N4BP1: variants seen among roughly 807,000 people sequenced by gnomAD.
N4BP1 encodes the protein NEDD4-binding protein 1.
Under a neutral mutation model 70.9 loss-of-function variants are expected in N4BP1, and 21 were observed. That is an observed-to-expected ratio of 0.30 (90% confidence interval 0.21 to 0.43). The LOEUF is 0.43. Ranked by LOEUF, N4BP1 falls within the 20% of genes least tolerant of loss-of-function variation. The probability of loss-of-function intolerance (pLI) is 1.00; values close to 1 mark genes in which losing one functional copy is unlikely to be tolerated. For synonymous variants in N4BP1, 387 were observed against 394.6 expected, an observed-to-expected ratio of 0.98 and a Z score of 0.23; for missense variants, 936 against 1,069.4, an observed-to-expected ratio of 0.88 and a Z score of 1.74.
intron 1 of N4BP1, among the ~76,000 whole-genome samples, chr16:48,588,861 T>C (rs1401208077): frequency 6.6e-6 from 1 of 152,146 alleles, no homozygotes; most frequent in East Asian, 1.9e-4. Flanking sequence ...AAAATAGTTT[T>C]TACATTTTTA....
rs1461196581 is a variant in N4BP1 at position 48,561,228 on chromosome 16, T to A, written c.1415A>T (p.His472Leu). 1.2e-6 allele frequency: 2 copies of A among 1,613,872 alleles called. No individual in the cohort carries two copies. Among genetic ancestry groups the A allele is most frequent in the African/African-American group, 1.3e-5 (1 of 74,930 alleles). The part of the protein sequence containing the change: ...TFRTVPIEQK[H>L]EVWGSNQNYI... ...GTTCTGGTTTGAACCCCAGACTTCATGTTTCTGTTCTATTGGCACTGTTCT... is the reference window on the plus strand; with the variant it reads ...GTTCTGGTTTGAACCCCAGACTTCAAGTTTCTGTTCTATTGGCACTGTTCT... The change falls in exon 2 of 7, where the codon CAT becomes CTT. Residue 472 changes from histidine to leucine, a missense_variant. Coordinates refer to ENST00000262384, the MANE Select transcript of N4BP1 (RefSeq NM_153029.4).
chr16:48,594,821 T>C (rs1230186799), intron 1 of N4BP1, among the ~76,000 whole-genome samples: 3 of 152,254 alleles, frequency 2.0e-5, no homozygotes, highest in Admixed American at 6.5e-5. Context: ...ATAATTGTTA[T>C]GTTAAATTAT....
intron 1 of N4BP1, among the ~76,000 whole-genome samples, chr16:48,580,914 G>C (rs1597105048): frequency 6.6e-6 from 1 of 152,038 alleles, no homozygotes; most frequent in African/African-American, 2.4e-5. Context: ...AAGTATACAG[G>C]AAAATATACA....
intron 1 of N4BP1, among the ~76,000 whole-genome samples, chr16:48,582,117 A>T (rs1425941365): frequency 6.6e-6 from 1 of 152,236 alleles, no homozygotes; most frequent in Non-Finnish European, 1.5e-5. Context: ...CAATCCAATT[A>T]AAAAATGAGC....
intron 1 of N4BP1, among the ~76,000 whole-genome samples, chr16:48,565,988 T>C (rs1414948373): frequency 6.6e-6 from 1 of 152,192 alleles, no homozygotes; most frequent in Non-Finnish European, 1.5e-5. Flanking sequence ...TATTAGTAGT[T>C]TGCAGCTTCT....
At chr16:48,572,383 A>G (rs1270703829) in intron 1 of N4BP1, among the ~76,000 whole-genome samples, 1 of 152,230 alleles carries the variant, frequency 6.6e-6, no homozygotes, top group Non-Finnish European at 1.5e-5. Flanking sequence ...AAAGAATGAC[A>G]GTAAGAATGT....
intron 1 of N4BP1, among the ~76,000 whole-genome samples, chr16:48,590,125 T>C (rs547855815): frequency 2.0e-5 from 3 of 152,104 alleles, no homozygotes; most frequent in Admixed American, 6.5e-5. Context: ...AAATTAGTGG[T>C]TGAAATATTT....
intron 6 of N4BP1, among the ~76,000 whole-genome samples, chr16:48,544,863 C>T (rs1334704323): frequency 1.3e-5 from 2 of 152,098 alleles, no homozygotes; most frequent in South Asian, 4.1e-4. Context: ...ACAAAATGAC[C>T]CCATCAGGCA....
intron 1 of N4BP1, chr16:48,600,273 A>C (rs921723520): frequency 4.5e-6 from 5 of 1,118,110 alleles, no homozygotes; most frequent in Non-Finnish European, 6.7e-6. Context: ...TAAATGTCAT[A>C]AAAACTTTAA....
intron 1 of N4BP1, among the ~76,000 whole-genome samples, chr16:48,567,020 T>A (rs1963952331): frequency 6.6e-6 from 1 of 152,220 alleles, no homozygotes; most frequent in South Asian, 2.1e-4. Flanking sequence ...ATATTGACAA[T>A]CCAGCTTTCT....
chr16:48,574,135 A>G (rs1157566980), intron 1 of N4BP1, among the ~76,000 whole-genome samples: 2 of 152,252 alleles, frequency 1.3e-5, no homozygotes, highest in East Asian at 3.8e-4. Context: ...GAAGTTAGGG[A>G]GGCTTAGAAG....
At chr16:48,571,975 G>C (rs1964026376) in intron 1 of N4BP1, among the ~76,000 whole-genome samples, 1 of 152,138 alleles carries the variant, frequency 6.6e-6, no homozygotes, top group Non-Finnish European at 1.5e-5. Flanking sequence ...GAGGTAGGTG[G>C]ATCACTTGAG....
intron 1 of N4BP1, among the ~76,000 whole-genome samples, chr16:48,601,884 GTTTC>G (rs1401360773): frequency 1.3e-5 from 2 of 152,082 alleles, no homozygotes. Context: ...GCTAAATTCA[GTTTC>G]TTTAAGCCAA....
rs747015832 is a variant in N4BP1 at position 48,562,408 on chromosome 16, C to T, written c.235G>A (p.Glu79Lys). The T allele has an allele frequency of 5.6e-6, 9 of 1,611,940 alleles. No individual in the cohort carries two copies. The Admixed American group carries it at 1.5e-4, about 27-fold the overall frequency. Reference protein sequence around the residue: ...IKGICEPELEERECYPKDMHC... With the variant: ...IKGICEPELEKRECYPKDMHC... ...ATGTCCTTGGGGTAACATTCTCTTT[C>T]TTCTAGTTCAGGTTCACAGATTCCT... The change falls in exon 2 of 7, where the codon GAA (glutamate) becomes AAA (lysine). Residue 79 changes from glutamate to lysine, a missense_variant. Glu to Lys is a moderately conservative substitution (Grantham distance 56, BLOSUM62 1). Transcript: ENST00000262384.
In N4BP1 at chr16:48,560,672, T is replaced by A. The variant is rs557240544; in HGVS notation, c.1889+82A>T. On this transcript the variant is annotated intron_variant, in intron 2 of 6. Coordinates refer to ENST00000262384, the MANE Select transcript of N4BP1 (RefSeq NM_153029.4). The stretch of plus-strand genomic sequence containing the variant: ...AGATCAACTATATACAACATGTATG[T>A]ATAGTTCCCATATACATGTGATTCT... 9.9e-4 allele frequency: 1,483 copies of A among 1,502,612 alleles called. 1 individual carries two copies. Among genetic ancestry groups the A allele is most frequent in the Non-Finnish European group, 1.2e-3 (1,364 of 1,118,744 alleles). 93.1% of individuals were successfully genotyped at this position (1,502,612 alleles called of 1,614,324 possible). A position where few individuals can be genotyped will look rare whatever the true frequency, so the allele number is the denominator to read the frequency against.
chr16:48,552,735 A>AG (rs1567428025), intron 3 of N4BP1, among the ~76,000 whole-genome samples: 28 of 145,136 alleles, frequency 1.9e-4, no homozygotes, highest in Non-Finnish European at 3.8e-4. Flanking sequence ...AAAAAAAAAA[A>AG]AAAGACTCCT....
intron 2 of N4BP1, among the ~76,000 whole-genome samples, chr16:48,556,084 G>A (rs1963748349): frequency 1.3e-5 from 2 of 152,118 alleles, no homozygotes; most frequent in South Asian, 2.1e-4. Flanking sequence ...AGTCTAGAGG[G>A]GGAACAGATG....
intron 1 of N4BP1, chr16:48,600,593 T>A: frequency 1.8e-6 from 1 of 560,352 alleles, no homozygotes; most frequent in Non-Finnish European, 3.5e-6. Context: ...AGGGAAGCAG[T>A]TGGAAGAGAA....
intron 1 of N4BP1, among the ~76,000 whole-genome samples, chr16:48,594,913 C>A (rs577532720): frequency 6.6e-6 from 1 of 152,086 alleles, no homozygotes; most frequent in African/African-American, 2.4e-5. Flanking sequence ...CATCCACAGA[C>A]AACTGTCTTG....
Sources: allele counts gnomAD v4.1 joint callset (sites outside exome capture counted in the v4.1 genomes callset), GRCh38; gene constraint gnomAD v4.1.1; transcripts MANE v1.5; gene names NCBI Gene and HGNC (gene_info 2026-07-23, HGNC 2026-07-21).